Variants in PXK observed in about 807,000 individuals in gnomAD.
The protein encoded by PXK is PX domain-containing protein kinase-like protein.
Under a neutral mutation model 84.7 loss-of-function variants are expected in PXK, and 35 were observed. That is an observed-to-expected ratio of 0.41 (90% CI 0.32 to 0.55). The LOEUF (loss-of-function observed/expected upper bound fraction) is 0.55, where lower values mean the gene tolerates loss of function less well. Among genes scored for constraint, PXK ranks in the 20% least tolerant of loss-of-function variants. The pLI is 0.21. For synonymous variants in PXK, 253 were observed against 260.8 expected (o/e 0.97, Z 0.29); for missense variants, 634 against 699.7 (o/e 0.91, Z 1.06).
chr3:58,333,145 G>A lies in PXK; in HGVS notation c.102+55G>A. On this transcript the variant is annotated intron_variant, in intron 1 of 17. Transcript: ENST00000356151. The surrounding 1 kb of genome is among the most constrained non-coding windows in gnomAD (Gnocchi z 5.4). ...GTGGGGCGGCCCCGGGCCGCGAGGG[G>A]GCTGCGGGCTGCCTGGCGCGGGCCG... The A allele has an allele frequency of 3.1e-6, 3 of 983,202 alleles. No homozygotes were observed. The highest frequency in any genetic ancestry group is 8.7e-5 in the East Asian group (1 of 11,498). 60.9% of individuals were successfully genotyped at this position (983,202 alleles called of 1,614,324 possible).
At chr3:58,406,868 A>G (rs182825217) in intron 13 of PXK, among the ~76,000 whole-genome samples, 13 of 152,296 alleles carry the variant, frequency 8.5e-5, no homozygotes, top group Non-Finnish European at 7.4e-5. Context: ...AGGTTCATCT[A>G]TATTGTAACA....
rs761157465 is a variant in PXK, at chr3:58,382,504, T to TC, written c.202-10_202-9insC. ...GACATGAGTGTAACTTTTTTTTTTT[T>TC]TTTTTAAAGATTGCAGGCCTAAGTC... is the stretch of plus-strand genomic sequence containing the variant. On this transcript the variant is annotated splice_polypyrimidine_tract_variant and intron_variant, in intron 3 of 17. Transcript: ENST00000356151. 25 of 1,509,426 alleles carry TC rather than the reference T, an allele frequency of 1.7e-5. No individual in the cohort carries two copies. The African/African-American group carries it at 2.7e-4, about 16-fold the overall frequency. The allele number at this position is 1,509,426 out of a possible 1,614,324, so 93.5% of individuals were successfully genotyped here.
At chr3:58,335,169 C>T (rs1454739976) in intron 1 of PXK, among the ~76,000 whole-genome samples, 1 of 152,022 alleles carries the variant, frequency 6.6e-6, no homozygotes, top group African/African-American at 2.4e-5. Context: ...GCCACCACAC[C>T]TGGCCCTGCA....
chr3:58,395,605 C>A, intron 8 of PXK, 53 bp from the exon 9 acceptor site: 1 of 1,372,404 alleles, frequency 7.3e-7, no homozygotes, highest in Non-Finnish European at 1.0e-6. Flanking sequence ...AGTCTGTGTG[C>A]AGATATTGGC....
chr3:58,405,140 C>T lies in PXK; in HGVS notation c.1230+1230C>T, dbSNP rs2059200533. On this transcript the variant is annotated intron_variant, in intron 13 of 17. Coordinates refer to ENST00000356151, the MANE Select transcript of PXK (RefSeq NM_017771.5). ...TCCAACATTAGTTCTTGTATGTACACTGACTTTCTGGAAAGATATACAGGA... is the reference window on the plus strand; with the variant it reads ...TCCAACATTAGTTCTTGTATGTACATTGACTTTCTGGAAAGATATACAGGA... Among the ~76,000 whole-genome samples, 3 of 152,206 alleles carry T rather than the reference C, an allele frequency of 2.0e-5. No homozygotes were observed. In the South Asian group the frequency reaches 6.2e-4, roughly 31 times the overall value.
intron 17 of PXK, chr3:58,422,160 A>G (rs2061985171): frequency 9.1e-6 from 9 of 985,378 alleles, no homozygotes; most frequent in Non-Finnish European, 1.1e-5. Flanking sequence ...GACCATGGAA[A>G]GGGCCAAAAG....
intron 1 of PXK, among the ~76,000 whole-genome samples, chr3:58,351,598 A>G (rs779901435): frequency 6.6e-5 from 10 of 152,056 alleles, no homozygotes; most frequent in Non-Finnish European, 1.3e-4. Flanking sequence ...TTTAAATTAC[A>G]TGTGTAGCAA....
intron 1 of PXK, among the ~76,000 whole-genome samples, chr3:58,350,665 A>G (rs1202541766): frequency 6.6e-6 from 1 of 152,140 alleles, no homozygotes; most frequent in East Asian, 1.9e-4. Context: ...TTTTTGTTGT[A>G]TAAGAGATGT....
rs1332587925 is a variant in PXK at position 58,371,876 on chromosome 3, C to G, written c.201+2398C>G. Among the ~76,000 whole-genome samples, 25 of 152,168 alleles carry G rather than the reference C, an allele frequency of 1.6e-4. No individual in the cohort carries two copies. The East Asian group carries it at 4.8e-3, about 29-fold the overall frequency. ...ATTCAAGTAAACAAACAGAAGAAAGCACATACAGCTTTTTGGCAGTGAAAT... is the reference window on the plus strand; with the variant it reads ...ATTCAAGTAAACAAACAGAAGAAAGGACATACAGCTTTTTGGCAGTGAAAT... On this transcript the variant is annotated intron_variant, in intron 3 of 17. Coordinates refer to ENST00000356151, the MANE Select transcript of PXK (RefSeq NM_017771.5).
At chr3:58,339,218 GTTTT>G (rs200469293) in intron 1 of PXK, among the ~76,000 whole-genome samples, 4 of 113,646 alleles carry the variant, frequency 3.5e-5, no homozygotes, top group Non-Finnish European at 7.3e-5. Context: ...TTTGTGGGGG[GTTTT>G]TTTTTGTTTT....
At chr3:58,342,996 A>G (rs2097764008) in intron 1 of PXK, among the ~76,000 whole-genome samples, 1 of 152,314 alleles carries the variant, frequency 6.6e-6, no homozygotes, top group South Asian at 2.1e-4. Context: ...GGCTGCTCAC[A>G]TTTCTTTGAT....
chr3:58,361,755 T>C (rs974944020), intron 1 of PXK, among the ~76,000 whole-genome samples: 6 of 152,232 alleles, frequency 3.9e-5, no homozygotes, highest in Admixed American at 6.5e-5. Context: ...TTGAAGGACA[T>C]CTATCTTGTT....
chr3:58,353,158 G>A (rs1474306315), intron 1 of PXK, among the ~76,000 whole-genome samples: 14 of 151,912 alleles, frequency 9.2e-5, no homozygotes, highest in African/African-American at 2.9e-4. Context: ...CACCACGCCC[G>A]GCTAATTTTT....
At position 58,369,496 on chromosome 3, in the gene PXK, C is replaced by T. The variant is rs1183882790; in HGVS notation, c.201+18C>T. 1.9e-6 allele frequency: 3 copies of T among 1,593,708 alleles called. No homozygotes were observed. Among genetic ancestry groups the T allele is most frequent in the South Asian group, 2.2e-5 (2 of 90,484 alleles). On this transcript the variant is annotated intron_variant, in intron 3 of 17. Transcript: ENST00000356151. Reference sequence around the variant, plus strand: ...GCTTACAGGTAAATGTTTTGAAATTCTAATTACACACATTGATTACTTGGG... The same window carrying T: ...GCTTACAGGTAAATGTTTTGAAATTTTAATTACACACATTGATTACTTGGG...
At chr3:58,376,743 G>A (rs1285211837) in intron 3 of PXK, among the ~76,000 whole-genome samples, 2 of 152,148 alleles carry the variant, frequency 1.3e-5, no homozygotes, top group South Asian at 2.1e-4. Flanking sequence ...GGGTTCAAGC[G>A]ATTCTTGTGC....
In PXK at chr3:58,399,477, C is replaced by T. The variant is rs1576565899; in HGVS notation, c.1181+100C>T. 6 of 1,237,790 alleles carry T rather than the reference C, an allele frequency of 4.8e-6. No individual in the cohort carries two copies. The East Asian group carries it at 1.5e-4, about 30-fold the overall frequency. The allele number at this position is 1,237,790 out of a possible 1,614,324, so 76.7% of individuals were successfully genotyped here. On this transcript the variant is annotated intron_variant, in intron 12 of 17. Transcript: ENST00000356151. The surrounding 1 kb of genome is among the most constrained non-coding windows in gnomAD (Gnocchi z 4.3). ...GTACTGTAGTAAAGATTCTTGCGGT[C>T]CCTGCAGAGTTGGCGTGGCCTGCTT...
intron 2 of PXK, among the ~76,000 whole-genome samples, chr3:58,368,345 C>T (rs891757242): frequency 2.6e-5 from 4 of 151,786 alleles, no homozygotes; most frequent in African/African-American, 9.7e-5. Context: ...TTTTTTTAGA[C>T]AGAGTCTCAT....
At chr3:58,381,498 G>T (rs2098502036) in intron 3 of PXK, among the ~76,000 whole-genome samples, 1 of 136,286 alleles carries the variant, frequency 7.3e-6, no homozygotes, top group African/African-American at 2.7e-5. Context: ...ACGCAGCTGT[G>T]TATCTGAATG....
In PXK at chr3:58,391,226, C is replaced by T; in HGVS notation, c.540+6C>T. 1.9e-6 allele frequency: 3 copies of T among 1,610,948 alleles called. No individual in the cohort carries two copies. The highest frequency in any genetic ancestry group is 2.5e-6 in the Non-Finnish European group (3 of 1,177,486). On this transcript the variant is annotated splice_donor_region_variant and intron_variant, in intron 6 of 17. Transcript: ENST00000356151. The stretch of plus-strand genomic sequence containing the variant: ...AACGGCTAGTGTTAAGCTGGGTAAG[C>T]TAGCTTTTTGCTTTGGTCTCCTTCA...
Sources: allele counts gnomAD v4.1 joint callset (sites outside exome capture counted in the v4.1 genomes callset), GRCh38; gene constraint gnomAD v4.1.1; non-coding constraint Gnocchi (gnomAD v3.1); transcripts MANE v1.5; gene names NCBI Gene and HGNC (gene_info 2026-07-23, HGNC 2026-07-21).